The following CHIC1 variants were observed in gnomAD, a reference collection of about 807,000 sequenced individuals.
CHIC1 encodes the protein cysteine-rich hydrophobic domain-containing protein 1.
In CHIC1, 7 loss-of-function variants were observed where a neutral mutation model predicts 18.5. The ratio of observed to expected loss-of-function variants is 0.38; its 90% CI spans 0.22 to 0.71. CHIC1 has a LOEUF of 0.71. CHIC1 is among the 30% of genes least tolerant of loss of function. CHIC1 has a pLI of 0.49. For synonymous variants in CHIC1, 77 were observed against 73.5 expected, an observed-to-expected ratio of 1.05 and a Z score of -0.25; for missense variants, 159 against 176.9, an observed-to-expected ratio of 0.90 and a Z score of 0.57.
At position 73,685,852 on chromosome X, in the gene CHIC1, C is replaced by G. The variant is rs1254098571; in HGVS notation, c.*4847C>G. 3.6e-5 allele frequency: 4 copies of G among 111,295 alleles called. No individual in the cohort carries two copies. Among genetic ancestry groups the G allele is most frequent in the Non-Finnish European group, 7.6e-5 (4 of 52,857 alleles). The allele number at this position is 111,295 out of a possible 1,213,427, so 9.2% of individuals were successfully genotyped here. On this transcript the variant is annotated 3_prime_UTR_variant, in exon 6 of 6. Coordinates refer to ENST00000373502, the MANE Select transcript of CHIC1 (RefSeq NM_001039840.4). ...TGTTATTAATCTCCTATGTGTTAAA[C>G]GTGGGTAATTGTATTATGTTAATAC... is the stretch of plus-strand genomic sequence containing the variant.
chrX:73,613,122 G>A (rs1157488559), intron 3 of CHIC1, among the ~76,000 whole-genome samples: 1 of 111,994 alleles, frequency 8.9e-6, no homozygotes, highest in Admixed American at 9.5e-5. Context: ...TCTGATGTAT[G>A]TATGTATGTA....
At chrX:73,671,583 A>G (rs2058030562) in intron 3 of CHIC1, among the ~76,000 whole-genome samples, 1 of 111,125 alleles carries the variant, frequency 9.0e-6, no homozygotes, top group South Asian at 3.8e-4. Flanking sequence ...CTTTAACGTC[A>G]TTCATTGAAT....
chrX:73,670,885 T>A (rs2058026793), intron 3 of CHIC1, among the ~76,000 whole-genome samples: 1 of 111,915 alleles, frequency 8.9e-6, no homozygotes, highest in Non-Finnish European at 1.9e-5. Flanking sequence ...ATACTTGATA[T>A]GATTTTGATT....
At chrX:73,611,417 C>T (rs769176264) in intron 3 of CHIC1, among the ~76,000 whole-genome samples, 3 of 108,725 alleles carry the variant, frequency 2.8e-5, no homozygotes, top group East Asian at 5.6e-4. Context: ...TCTGGTCTAT[C>T]GTTGTTGGAC....
rs780204294 is a variant in CHIC1, at chrX:73,684,350, GCAAT to G, written c.*3349_*3352del. On this transcript the variant is annotated 3_prime_UTR_variant, in exon 6 of 6. Transcript: ENST00000373502. ...ATGGCCTGTAAACACTAATATCTGA[GCAAT>G]CAAACTGTTTTATCTACCATTTTTG... The G allele has an allele frequency of 5.4e-5, 6 of 111,238 alleles. No individual in the cohort carries two copies. Among genetic ancestry groups the G allele is most frequent in the Non-Finnish European group, 9.5e-5 (5 of 52,819 alleles). The allele number at this position is 111,238 out of a possible 1,213,427, so 9.2% of individuals were successfully genotyped here. A position where few individuals can be genotyped will look rare whatever the true frequency, so the allele number is the denominator to read the frequency against.
chrX:73,669,817 G>A (rs1443402146), intron 3 of CHIC1, among the ~76,000 whole-genome samples: 1 of 111,874 alleles, frequency 8.9e-6, no homozygotes, highest in Non-Finnish European at 1.9e-5. Flanking sequence ...CAAGCCAGTG[G>A]TTATTATCTT....
chrX:73,643,581 A>T (rs1051438028), intron 3 of CHIC1, among the ~76,000 whole-genome samples: 2 of 110,926 alleles, frequency 1.8e-5, no homozygotes, highest in Non-Finnish European at 3.8e-5. Context: ...TTATTCTTTT[A>T]TCTCTAAACT....
At chrX:73,669,887 C>T (rs1053624145) in intron 3 of CHIC1, among the ~76,000 whole-genome samples, 13 of 112,060 alleles carry the variant, frequency 1.2e-4, no homozygotes, top group Admixed American at 6.6e-4. Flanking sequence ...GGACTCTACC[C>T]CCTTCCTAGG....
In CHIC1 at chrX:73,682,018, T is replaced by A. The variant is rs1034451995; in HGVS notation, c.*1013T>A. 1.8e-5 allele frequency: 2 copies of A among 111,560 alleles called. No individual in the cohort carries two copies. The highest frequency in any genetic ancestry group is 6.5e-5 in the African/African-American group (2 of 30,839). The allele number at this position is 111,560 out of a possible 1,213,427, so 9.2% of individuals were successfully genotyped here. ...AAGGAGTATTTTGAGATTTCAGACA[T>A]CTTCAGAAGGTATCTAGACCCTCTT... On this transcript the variant is annotated 3_prime_UTR_variant, in exon 6 of 6. Transcript: ENST00000373502.
chrX:73,657,319 A>G (rs751317497), intron 3 of CHIC1, among the ~76,000 whole-genome samples: 1 of 111,003 alleles, frequency 9.0e-6, no homozygotes, highest in African/African-American at 3.3e-5. Context: ...TCAGCCTCCC[A>G]AAGTGCTGGG....
At chrX:73,633,727 A>AT (rs985728480) in intron 3 of CHIC1, among the ~76,000 whole-genome samples, 18 of 106,334 alleles carry the variant, frequency 1.7e-4, no homozygotes, top group South Asian at 4.1e-4. Context: ...ACTCATTCTC[A>AT]TTTTTTTTTC....
chrX:73,564,247 TTTC>T (rs1335269367), intron 1 of CHIC1, among the ~76,000 whole-genome samples: 1 of 111,532 alleles, frequency 9.0e-6, no homozygotes, highest in East Asian at 2.8e-4. Flanking sequence ...TGCGCCTTGA[TTTC>T]TTCATCTCTA....
chrX:73,611,490 G>A (rs770246684), intron 3 of CHIC1, among the ~76,000 whole-genome samples: 7 of 108,803 alleles, frequency 6.4e-5, no homozygotes, highest in African/African-American at 2.1e-4. Context: ...ACGTGTGCAT[G>A]TGTCTTTATA....
At chrX:73,635,490 C>A (rs2147596451) in intron 3 of CHIC1, among the ~76,000 whole-genome samples, 1 of 111,468 alleles carries the variant, frequency 9.0e-6, no homozygotes, top group East Asian at 2.8e-4. Context: ...GTCATATTGT[C>A]TAGGTCTTTC....
chrX:73,652,370 G>A (rs1486041447), intron 3 of CHIC1, among the ~76,000 whole-genome samples: 1 of 111,967 alleles, frequency 8.9e-6, no homozygotes, highest in East Asian at 2.8e-4. Context: ...TGCAACAAAA[G>A]CCAAAATTGA....
intron 3 of CHIC1, among the ~76,000 whole-genome samples, chrX:73,621,493 CTG>C (rs1041378012): frequency 2.7e-5 from 3 of 111,868 alleles, no homozygotes; most frequent in Admixed American, 9.5e-5. Flanking sequence ...ATTTGGCTCT[CTG>C]TTTGTCTATT....
At chrX:73,675,907 G>A (rs886322647) in intron 3 of CHIC1, among the ~76,000 whole-genome samples, 1 of 110,161 alleles carries the variant, frequency 9.1e-6, no homozygotes, top group Non-Finnish European at 1.9e-5. Context: ...TCCATCAGGA[G>A]CTCTTTTAGG....
intron 3 of CHIC1, among the ~76,000 whole-genome samples, chrX:73,599,519 A>T (rs758728990): frequency 9.7e-6 from 1 of 103,409 alleles, no homozygotes; most frequent in Non-Finnish European, 1.9e-5. Context: ...ATAAGGTGTA[A>T]GGAAGGGATC....
At chrX:73,655,321 C>T (rs913939898) in intron 3 of CHIC1, among the ~76,000 whole-genome samples, 3 of 103,015 alleles carry the variant, frequency 2.9e-5, no homozygotes, top group East Asian at 3.0e-4. Context: ...TATATATACA[C>T]ACACACTATA....
Sources: allele counts gnomAD v4.1 joint callset (sites outside exome capture counted in the v4.1 genomes callset), GRCh38; gene constraint gnomAD v4.1.1; transcripts MANE v1.5; gene names NCBI Gene and HGNC (gene_info 2026-07-23, HGNC 2026-07-21).